LOC128462377: variants seen among roughly 807,000 people sequenced by gnomAD.
the LOC128462377 span, among the ~76,000 whole-genome samples, chr16:89,392,082 G>A: frequency 6.6e-6 from 1 of 152,070 alleles, no homozygotes; most frequent in Non-Finnish European, 1.5e-5. Context: ...CTAGCCAATC[G>A]GGACAAATAC....
At chr16:89,394,756 G>A in the LOC128462377 span, among the ~76,000 whole-genome samples, 1 of 152,074 alleles carries the variant, frequency 6.6e-6, no homozygotes, top group South Asian at 2.1e-4. Flanking sequence ...CTCCATCAAG[G>A]ATGCTGTAAA....
At chr16:89,398,433 G>A in the LOC128462377 span, among the ~76,000 whole-genome samples, 76 of 131,648 alleles carry the variant, frequency 5.8e-4, 4 homozygotes, top group African/African-American at 2.4e-3. Flanking sequence ...TGACAAGAGG[G>A]ACACTGTGAA....
chr16:89,348,760 T>G, the LOC128462377 span, among the ~76,000 whole-genome samples: 1 of 152,222 alleles, frequency 6.6e-6, no homozygotes, highest in East Asian at 1.9e-4. Context: ...TTATTGTACT[T>G]TGAATGGCTA....
At chr16:89,397,707 C>G in the LOC128462377 span, among the ~76,000 whole-genome samples, 1 of 152,216 alleles carries the variant, frequency 6.6e-6, no homozygotes, top group East Asian at 1.9e-4. Flanking sequence ...CCCGGTACTG[C>G]TCTTGGAATG....
At chr16:89,398,369 AG>A in the LOC128462377 span, among the ~76,000 whole-genome samples, 183 of 88,344 alleles carry the variant, frequency 2.1e-3, 9 homozygotes, top group African/African-American at 7.2e-3. Flanking sequence ...GGCTGACATG[AG>A]GGACGCTGTG....
the LOC128462377 span, among the ~76,000 whole-genome samples, chr16:89,391,337 G>C: frequency 5.3e-5 from 8 of 152,086 alleles, no homozygotes; most frequent in African/African-American, 1.7e-4. Context: ...CTTGCGGTGG[G>C]TGCTGGAGTG....
the LOC128462377 span, among the ~76,000 whole-genome samples, chr16:89,356,776 G>A: frequency 7.7e-5 from 8 of 104,318 alleles, no homozygotes; most frequent in South Asian, 2.8e-4. Flanking sequence ...GCAAGACTCC[G>A]TCTCAAAAAA....
At chr16:89,383,362 T>C in the LOC128462377 span, among the ~76,000 whole-genome samples, 1 of 152,224 alleles carries the variant, frequency 6.6e-6, no homozygotes, top group Non-Finnish European at 1.5e-5. Context: ...ATACCAACGC[T>C]GACCTCCTGA....
At chr16:89,327,072 T>C in the LOC128462377 span, among the ~76,000 whole-genome samples, 2 of 147,824 alleles carry the variant, frequency 1.4e-5, no homozygotes, top group East Asian at 2.0e-4. Flanking sequence ...AGGTGGGGAA[T>C]GCAGAGGTTG....
the LOC128462377 span, among the ~76,000 whole-genome samples, chr16:89,398,296 G>A: frequency 7.8e-4 from 113 of 145,234 alleles, no homozygotes; most frequent in African/African-American, 2.8e-3. Context: ...AGCACTCTGG[G>A]AGGCTGACAT....
the LOC128462377 span, among the ~76,000 whole-genome samples, chr16:89,384,661 G>A: frequency 1.3e-5 from 2 of 152,114 alleles, no homozygotes; most frequent in South Asian, 4.1e-4. Context: ...CTTCAAAGGA[G>A]CTGCGAAGAC....
chr16:89,378,188 T>C, the LOC128462377 span, among the ~76,000 whole-genome samples: 1 of 152,162 alleles, frequency 6.6e-6, no homozygotes, highest in Non-Finnish European at 1.5e-5. Context: ...ACTCTGTCTC[T>C]TTAAGAAGCG....
chr16:89,348,873 T>TAA, the LOC128462377 span, among the ~76,000 whole-genome samples: 13 of 130,406 alleles, frequency 1.0e-4, no homozygotes, highest in East Asian at 4.3e-4. Flanking sequence ...TTATTGTCTT[T>TAA]AAAAAAAAAA....
chr16:89,330,926 T>C, the LOC128462377 span, among the ~76,000 whole-genome samples: 1 of 152,108 alleles, frequency 6.6e-6, no homozygotes. Context: ...AGGACAAAAA[T>C]TAAAATTTTG....
the LOC128462377 span, among the ~76,000 whole-genome samples, chr16:89,321,558 C>T: frequency 4.6e-5 from 7 of 152,104 alleles, no homozygotes; most frequent in East Asian, 1.9e-4. Flanking sequence ...CCAGGGAGTC[C>T]GTGGACCATG....
chr16:89,326,992 TG>T, the LOC128462377 span, among the ~76,000 whole-genome samples: 2 of 139,150 alleles, frequency 1.4e-5, no homozygotes, highest in South Asian at 4.6e-4. Context: ...AATGCAGAGG[TG>T]GGGAATGCAG....
chr16:89,332,513 G>A, the LOC128462377 span, among the ~76,000 whole-genome samples: 5 of 152,204 alleles, frequency 3.3e-5, no homozygotes, highest in Admixed American at 2.6e-4. Flanking sequence ...AAACAGCCTC[G>A]TCTGCTCACT....
chr16:89,363,464 T>TATA, the LOC128462377 span, among the ~76,000 whole-genome samples: 3 of 135,638 alleles, frequency 2.2e-5, no homozygotes, highest in Non-Finnish European at 3.1e-5. Flanking sequence ...ACCCTAAAAG[T>TATA]ATAATAATAA....
the LOC128462377 span, among the ~76,000 whole-genome samples, chr16:89,394,749 C>T: frequency 2.0e-5 from 3 of 152,180 alleles, no homozygotes; most frequent in African/African-American, 7.2e-5. Context: ...ACAAAGGCTC[C>T]ATCAAGGATG....
Sources: allele counts gnomAD v4.1 joint callset (sites outside exome capture counted in the v4.1 genomes callset), GRCh38; gene constraint gnomAD v4.1.1; transcripts MANE v1.5.